NFIB: variants seen among roughly 807,000 people sequenced by gnomAD.
NFIB encodes nuclear factor I B, also known as nuclear factor 1 B-type.
In NFIB, 11 loss-of-function variants were observed where a neutral mutation model predicts 61.5. That is an observed-to-expected ratio of 0.18 (90% CI 0.11 to 0.30). The LOEUF is 0.30. Ranked by LOEUF, NFIB falls within the 10% of genes least tolerant of loss-of-function variation. The pLI is 1.00. For synonymous variants in NFIB, 260 were observed against 216.5 expected (o/e 1.20, Z -1.76); for missense variants, 471 against 608.9 (o/e 0.77, Z 2.38).
At chr9:14,374,648 G>T (rs1053686601) in intron 1 of NFIB, among the ~76,000 whole-genome samples, 4 of 152,190 alleles carry the variant, frequency 2.6e-5, no homozygotes, top group Non-Finnish European at 4.4e-5. Flanking sequence ...AGAGGCTCAC[G>T]CCTGTAGTCC....
chr9:14,293,358 C>T (rs538687802), intron 2 of NFIB, among the ~76,000 whole-genome samples: 125 of 152,292 alleles, frequency 8.2e-4, no homozygotes, highest in Admixed American at 1.6e-3. Context: ...TATATATGCA[C>T]GCAATCTGTC....
At chr9:14,506,587 A>C in the NFIB span, among the ~76,000 whole-genome samples, 2 of 152,332 alleles carry the variant, frequency 1.3e-5, no homozygotes, top group African/African-American at 2.4e-5. Flanking sequence ...GAAGGAAAAT[A>C]AATATGGAGA....
chr9:14,383,679 A>G (rs183880906), intron 1 of NFIB, among the ~76,000 whole-genome samples: 1 of 152,370 alleles, frequency 6.6e-6, no homozygotes, highest in Non-Finnish European at 1.5e-5. Flanking sequence ...ATGCCCGACC[A>G]TAAGAGAATT....
At chr9:14,321,959 TAAATA>T in intron 1 of NFIB, 1 of 1,231,290 alleles carries the variant, frequency 8.1e-7, no homozygotes, top group Non-Finnish European at 1.0e-6. Flanking sequence ...TGTATTGCAT[TAAATA>T]AAAGAGATCT....
At chr9:14,379,638 C>A (rs1178596433) in intron 1 of NFIB, among the ~76,000 whole-genome samples, 1 of 152,114 alleles carries the variant, frequency 6.6e-6, no homozygotes, top group African/African-American at 2.4e-5. Flanking sequence ...AATCACACTG[C>A]AGAATTTCCT....
chr9:14,433,619 C>T, the NFIB span, among the ~76,000 whole-genome samples: 1 of 152,130 alleles, frequency 6.6e-6, no homozygotes, highest in East Asian at 1.9e-4. Context: ...CCTGGCAAGG[C>T]TCAAAAGCAA....
the NFIB span, among the ~76,000 whole-genome samples, chr9:14,496,576 T>G: frequency 6.6e-6 from 1 of 152,224 alleles, no homozygotes; most frequent in East Asian, 1.9e-4. Context: ...TCTCTTTTCT[T>G]TGCTCCATCT....
chr9:14,216,255 A>C (rs1245298460), intron 2 of NFIB, among the ~76,000 whole-genome samples: 1 of 152,164 alleles, frequency 6.6e-6, no homozygotes, highest in Non-Finnish European at 1.5e-5. Flanking sequence ...ACTGATAATC[A>C]TGTGCAAAGA....
At chr9:14,459,877 G>T in the NFIB span, among the ~76,000 whole-genome samples, 1 of 151,256 alleles carries the variant, frequency 6.6e-6, no homozygotes, top group Non-Finnish European at 1.5e-5. Flanking sequence ...AACAGGTGCT[G>T]GAGAGGATGT....
At chr9:14,278,835 T>C (rs1423586787) in intron 2 of NFIB, among the ~76,000 whole-genome samples, 1 of 152,032 alleles carries the variant, frequency 6.6e-6, no homozygotes, top group Non-Finnish European at 1.5e-5. Context: ...TTTCCAGCAG[T>C]AGAACTTCAC....
At chr9:14,162,177 T>C (rs189854346) in intron 3 of NFIB, among the ~76,000 whole-genome samples, 1 of 151,896 alleles carries the variant, frequency 6.6e-6, no homozygotes, top group African/African-American at 2.4e-5. Context: ...AGCAGGAAAT[T>C]TTTTTCCTAA....
At chr9:14,461,446 C>A in the NFIB span, among the ~76,000 whole-genome samples, 1 of 152,188 alleles carries the variant, frequency 6.6e-6, no homozygotes, top group Non-Finnish European at 1.5e-5. Context: ...CTCTGCCAAG[C>A]CTCATCTTAC....
the NFIB span, among the ~76,000 whole-genome samples, chr9:14,454,025 C>T: frequency 6.6e-5 from 10 of 152,046 alleles, no homozygotes; most frequent in African/African-American, 1.9e-4. Context: ...GCCGAGATCG[C>T]GCCACTGCAC....
intron 2 of NFIB, among the ~76,000 whole-genome samples, chr9:14,265,653 T>C (rs894164665): frequency 1.3e-5 from 2 of 152,238 alleles, no homozygotes; most frequent in African/African-American, 2.4e-5. Flanking sequence ...CACCAATATG[T>C]TGACCACCAT....
chr9:14,401,872 C>T (rs72700551), upstream of NFIB, among the ~76,000 whole-genome samples: 1 of 151,866 alleles, frequency 6.6e-6, no homozygotes, highest in East Asian at 1.9e-4. Context: ...AAAAGTGAGA[C>T]TGGTGGGCCA....
chr9:14,185,967 G>A (rs886720488), intron 2 of NFIB, among the ~76,000 whole-genome samples: 2 of 152,178 alleles, frequency 1.3e-5, no homozygotes, highest in East Asian at 1.9e-4. Flanking sequence ...TGCAAGCACT[G>A]AGGCAAGAAA....
upstream of NFIB, among the ~76,000 whole-genome samples, chr9:14,402,417 T>G (rs2061751723): frequency 1.3e-5 from 2 of 152,228 alleles, no homozygotes; most frequent in South Asian, 4.1e-4. Flanking sequence ...TCAGTTTGCT[T>G]AAATACAGTT....
At chr9:14,221,801 A>G (rs919935121) in intron 2 of NFIB, among the ~76,000 whole-genome samples, 19 of 152,236 alleles carry the variant, frequency 1.2e-4, no homozygotes, top group African/African-American at 4.6e-4. Flanking sequence ...CCAGCTAATC[A>G]TTCTTTACCA....
intron 2 of NFIB, among the ~76,000 whole-genome samples, chr9:14,195,554 T>C (rs1455558277): frequency 6.6e-6 from 1 of 152,210 alleles, no homozygotes; most frequent in Non-Finnish European, 1.5e-5. Context: ...GCCACTTCAT[T>C]CTTGTTTATT....
Sources: allele counts gnomAD v4.1 joint callset (sites outside exome capture counted in the v4.1 genomes callset), GRCh38; gene constraint gnomAD v4.1.1; transcripts MANE v1.5; gene names NCBI Gene and HGNC (gene_info 2026-07-23, HGNC 2026-07-21).